The following ENTREP2 variants were observed in gnomAD, a reference collection of about 807,000 sequenced individuals.
ENTREP2 encodes the protein protein ENTREP2.
the ENTREP2 span, among the ~76,000 whole-genome samples, chr15:29,194,324 C>G: frequency 2.0e-5 from 3 of 152,218 alleles, no homozygotes; most frequent in African/African-American, 7.2e-5. Context: ...CTCCTAGCAC[C>G]TAAGCCACTG....
the ENTREP2 span, among the ~76,000 whole-genome samples, chr15:29,422,207 T>A: frequency 1.3e-5 from 2 of 151,844 alleles, no homozygotes; most frequent in Non-Finnish European, 2.9e-5. Flanking sequence ...GAAGCAGAGG[T>A]TGCAGTGAGC....
chr15:29,305,808 G>T, the ENTREP2 span, among the ~76,000 whole-genome samples: 1 of 152,248 alleles, frequency 6.6e-6, no homozygotes, highest in African/African-American at 2.4e-5. Flanking sequence ...GCCCAAAAAA[G>T]AAGCTGAACT....
chr15:29,499,635 C>T, the ENTREP2 span, among the ~76,000 whole-genome samples: 1 of 151,926 alleles, frequency 6.6e-6, no homozygotes, highest in Non-Finnish European at 1.5e-5. Context: ...TTTGTCCTCT[C>T]AAAGTGCTGA....
At chr15:29,554,555 T>C in the ENTREP2 span, among the ~76,000 whole-genome samples, 3 of 152,160 alleles carry the variant, frequency 2.0e-5, no homozygotes, top group Admixed American at 6.5e-5. Flanking sequence ...AGCTAGGCAT[T>C]AGAGAGACAC....
the ENTREP2 span, among the ~76,000 whole-genome samples, chr15:29,377,865 A>T: frequency 0.053 from 2,924 of 55,460 alleles, 105 homozygotes; most frequent in African/African-American, 0.1. Flanking sequence ...ATAATAATAA[A>T]AAAATGAGCC....
the ENTREP2 span, among the ~76,000 whole-genome samples, chr15:29,490,810 G>A: frequency 3.9e-5 from 6 of 152,186 alleles, no homozygotes; most frequent in South Asian, 2.1e-4. Flanking sequence ...GCTGGCTTCC[G>A]CTAGTGGATC....
the ENTREP2 span, among the ~76,000 whole-genome samples, chr15:29,545,280 A>C: frequency 6.6e-6 from 1 of 152,234 alleles, no homozygotes; most frequent in South Asian, 2.1e-4. Flanking sequence ...CCAAAGAAGA[A>C]ATGCAGACAT....
At chr15:29,522,198 C>G in the ENTREP2 span, among the ~76,000 whole-genome samples, 1 of 152,052 alleles carries the variant, frequency 6.6e-6, no homozygotes, top group Non-Finnish European at 1.5e-5. Flanking sequence ...AGAATGGAAA[C>G]AAATCTTTAT....
the ENTREP2 span, among the ~76,000 whole-genome samples, chr15:29,626,340 C>G: frequency 1.8e-4 from 27 of 152,116 alleles, no homozygotes; most frequent in African/African-American, 6.3e-4. Flanking sequence ...GCGGTTTCCC[C>G]CATACTGTTC....
At chr15:29,482,000 T>G in the ENTREP2 span, among the ~76,000 whole-genome samples, 1 of 151,952 alleles carries the variant, frequency 6.6e-6, no homozygotes, top group African/African-American at 2.4e-5. Flanking sequence ...TTCTTTTCTT[T>G]CTTTCTTTTT....
chr15:29,559,974 T>C, the ENTREP2 span, among the ~76,000 whole-genome samples: 1 of 152,180 alleles, frequency 6.6e-6, no homozygotes, highest in South Asian at 2.1e-4. Flanking sequence ...CAATACCTGG[T>C]CCACAAAACT....
the ENTREP2 span, chr15:29,123,596 G>A: frequency 6.4e-7 from 1 of 1,551,686 alleles, no homozygotes; most frequent in South Asian, 1.2e-5. Context: ...CAGGTATCTG[G>A]GTCCCCCGCT....
the ENTREP2 span, among the ~76,000 whole-genome samples, chr15:29,545,020 C>A: frequency 0.43 from 65,237 of 152,000 alleles, 14,666 homozygotes; most frequent in African/African-American, 0.57. Flanking sequence ...ACTGAGACTG[C>A]ACACTACTGT....
chr15:29,406,177 T>C, the ENTREP2 span, among the ~76,000 whole-genome samples: 1 of 152,240 alleles, frequency 6.6e-6, no homozygotes, highest in Non-Finnish European at 1.5e-5. Context: ...GGGACTCCAT[T>C]GTATAAAAAT....
chr15:29,257,952 C>T, the ENTREP2 span, among the ~76,000 whole-genome samples: 1 of 152,100 alleles, frequency 6.6e-6, no homozygotes, highest in Non-Finnish European at 1.5e-5. Context: ...TGGCTCACAC[C>T]TGTAATCCCA....
At chr15:29,594,861 T>C in the ENTREP2 span, among the ~76,000 whole-genome samples, 24 of 151,640 alleles carry the variant, frequency 1.6e-4, no homozygotes, top group Non-Finnish European at 2.5e-4. Flanking sequence ...GGTCAGGAGA[T>C]CGAGATCATC....
At chr15:29,623,112 G>C in the ENTREP2 span, among the ~76,000 whole-genome samples, 1 of 152,208 alleles carries the variant, frequency 6.6e-6, no homozygotes, top group Non-Finnish European at 1.5e-5. Flanking sequence ...ATGGGAGAAG[G>C]TGAAGAATGA....
chr15:29,464,872 A>C, the ENTREP2 span, among the ~76,000 whole-genome samples: 1 of 152,164 alleles, frequency 6.6e-6, no homozygotes, highest in Admixed American at 6.5e-5. Context: ...GTACCCTCAG[A>C]GACGAGCCTC....
At chr15:29,434,105 G>A in the ENTREP2 span, among the ~76,000 whole-genome samples, 2 of 152,186 alleles carry the variant, frequency 1.3e-5, no homozygotes, top group Non-Finnish European at 1.5e-5. Context: ...TAACGACTGT[G>A]TGGTTACCGT....
Sources: gnomAD v4.1 joint callset for allele counts (sites outside exome capture counted in the v4.1 genomes callset) on GRCh38, gnomAD v4.1.1 for gene constraint, MANE v1.5 for transcripts, NCBI Gene and HGNC (gene_info 2026-07-23, HGNC 2026-07-21) for gene names.